OPA3: variants seen among roughly 807,000 people sequenced by gnomAD.
OPA3 encodes the protein outer mitochondrial membrane lipid metabolism regulator OPA3.
Under a neutral mutation model 4.0 loss-of-function variants are expected in OPA3, and 6 were observed. The ratio of observed to expected loss-of-function variants is 1.51; its 90% CI spans 0.83 to 2.99. The LOEUF (loss-of-function observed/expected upper bound fraction) is 2.99, where lower values mean the gene tolerates loss of function less well. OPA3 is among the 30% of genes most tolerant of loss of function. OPA3 has a pLI of 0.00. For missense variants in OPA3, 235 were observed against 256.2 expected, an observed-to-expected ratio of 0.92 and a Z score of 0.56; for synonymous variants, 105 against 117.1, an observed-to-expected ratio of 0.90 and a Z score of 0.67.
chr19:45,558,959 C>CT (rs1384389731), intron 1 of OPA3, among the ~76,000 whole-genome samples: 7 of 152,102 alleles, frequency 4.6e-5, no homozygotes, highest in Non-Finnish European at 1.0e-4. Context: ...TCTTGGCTCA[C>CT]TGCAACCTCT....
chr19:45,553,287 T>G lies in OPA3; in HGVS notation c.*227A>C. 7.0e-7 allele frequency: 1 copy of G among 1,424,396 alleles called. No individual in the cohort carries two copies. Among genetic ancestry groups the G allele is most frequent in the Middle Eastern group, 2.6e-4 (1 of 3,848 alleles). The allele number at this position is 1,424,396 out of a possible 1,614,324, so 88.2% of individuals were successfully genotyped here. A position where few individuals can be genotyped will look rare whatever the true frequency, so the allele number is the denominator to read the frequency against. On this transcript the variant is annotated 3_prime_UTR_variant, in exon 2 of 2. Coordinates refer to ENST00000263275, the MANE Select transcript of OPA3 (RefSeq NM_025136.4). Reference sequence around the variant, plus strand: ...CCTTGCAGGTCGTCCTGGTTTGGAGTGGGGGATAGGAGGTGAAGGATGATG... The same window carrying G: ...CCTTGCAGGTCGTCCTGGTTTGGAGGGGGGGATAGGAGGTGAAGGATGATG...
intron 1 of OPA3, among the ~76,000 whole-genome samples, chr19:45,538,095 C>T (rs1330378925): frequency 2.5e-5 from 2 of 78,732 alleles, no homozygotes; most frequent in Non-Finnish European, 4.5e-5. Context: ...AGCTAGGCTC[C>T]ATATCAAAAA....
chr19:45,559,909 G>A (rs1264226), intron 1 of OPA3, among the ~76,000 whole-genome samples: 90,701 of 151,768 alleles, frequency 0.6, 27,325 homozygotes, highest in East Asian at 0.72. Context: ...CTCAAATCCT[G>A]GTTCTGTCAC....
chr19:45,569,703 C>T (rs557890115), intron 1 of OPA3, among the ~76,000 whole-genome samples: 20 of 152,022 alleles, frequency 1.3e-4, no homozygotes, highest in Non-Finnish European at 2.4e-4. Context: ...AAGCGTTACC[C>T]TCACTTACCT....
At chr19:45,576,478 C>T (rs1403868218) in intron 1 of OPA3, among the ~76,000 whole-genome samples, 1 of 151,218 alleles carries the variant, frequency 6.6e-6, no homozygotes, top group Non-Finnish European at 1.5e-5. Context: ...GCAGAGATTG[C>T]AGTGAGTTGA....
At chr19:45,542,438 G>A (rs1171354854), downstream of OPA3, among the ~76,000 whole-genome samples, 2 of 152,204 alleles carry the variant, frequency 1.3e-5, no homozygotes, top group Non-Finnish European at 2.9e-5. Context: ...CCTAGGCTAT[G>A]TGGTAGAGCT....
At position 45,550,234 on chromosome 19, in the gene OPA3, C is replaced by T. The variant is rs185631253; in HGVS notation, c.*3280G>A. ...CCTGTTTCTTGGCTTTCTATCTGGG[C>T]AGATCTTGGTCCAGGCCAGTTTTAC... On this transcript the variant is annotated 3_prime_UTR_variant, in exon 2 of 2. Coordinates refer to ENST00000263275, the MANE Select transcript of OPA3 (RefSeq NM_025136.4). The T allele has an allele frequency of 1.5e-4, 144 of 985,402 alleles. 1 individual carries two copies. Among genetic ancestry groups the T allele is most frequent in the Non-Finnish European group, 8.9e-5 (74 of 829,932 alleles). The allele number at this position is 985,402 out of a possible 1,614,324, so 61.0% of individuals were successfully genotyped here.
Position 45,553,434 on chromosome 19 carries a change from C to G in OPA3, c.*80G>C. ...ATCCTGGTGGTTTCCACTGGGCCAG[C>G]GCAGGCAAGGGTGGTGCGGGAAGAA... On this transcript the variant is annotated 3_prime_UTR_variant, in exon 2 of 2. Transcript: ENST00000263275. 6.2e-7 allele frequency: 1 copy of G among 1,601,542 alleles called. No homozygotes were observed. The highest frequency in any genetic ancestry group is 8.5e-7 in the Non-Finnish European group (1 of 1,179,534).
intron 1 of OPA3, among the ~76,000 whole-genome samples, chr19:45,569,813 G>A (rs1357904888): frequency 6.6e-6 from 1 of 152,080 alleles, no homozygotes; most frequent in Non-Finnish European, 1.5e-5. Context: ...AGGCCATGAG[G>A]ACTGCCTGAG....
rs536229300 is a variant in OPA3 at position 45,564,330 on chromosome 19, G to A, written c.143-10419C>T. On this transcript the variant is annotated intron_variant, in intron 1 of 1. Transcript: ENST00000263275. ...AGGTAGAGGGAAGAAGGGGAGAGGG[G>A]GAAAGGGCGGTGACAAGAAGCAGAA... Among the ~76,000 whole-genome samples the A allele has an allele frequency of 2.3e-3, 350 of 152,094 alleles. 3 individuals are homozygous for A. The highest frequency in any genetic ancestry group is 7.5e-3 in the African/African-American group (312 of 41,486).
downstream of OPA3, among the ~76,000 whole-genome samples, chr19:45,545,628 T>G (rs993967849): frequency 2.0e-5 from 3 of 151,596 alleles, no homozygotes; most frequent in East Asian, 5.8e-4. Context: ...CTTCCCAGAG[T>G]AAAAGTTAGT....
At chr19:45,584,572 A>C in intron 1 of OPA3, 51 bp downstream of exon 1, 18 of 1,613,478 alleles carry the variant, frequency 1.1e-5, no homozygotes, top group Non-Finnish European at 1.5e-5. Flanking sequence ...CAACCACCTG[A>C]CAGGGGTTGG....
At chr19:45,557,093 T>G (rs961962337) in intron 1 of OPA3, among the ~76,000 whole-genome samples, 1 of 151,752 alleles carries the variant, frequency 6.6e-6, no homozygotes, top group Non-Finnish European at 1.5e-5. Context: ...TGGTGAGGGG[T>G]GAGGGTTCCA....
At chr19:45,544,527 G>A (rs1029097701), downstream of OPA3, among the ~76,000 whole-genome samples, 3 of 152,100 alleles carry the variant, frequency 2.0e-5, no homozygotes, top group Admixed American at 6.6e-5. Context: ...GGGCACAGTG[G>A]CTCACGCCTG....
At chr19:45,581,307 G>A (rs148495289) in intron 1 of OPA3, among the ~76,000 whole-genome samples, 2 of 152,186 alleles carry the variant, frequency 1.3e-5, no homozygotes, top group East Asian at 1.9e-4. Context: ...AACTTACAGA[G>A]GGGGAAAAAA....
At chr19:45,584,193 T>C (rs1009838938) in intron 1 of OPA3, 1 of 225,972 alleles carries the variant, frequency 4.4e-6, no homozygotes, top group African/African-American at 2.3e-5. Context: ...ACCTCCTAGA[T>C]CAGTGGGGAA....
Position 45,551,613 on chromosome 19 carries a change from G to T in OPA3, c.*1901C>A. ...TCAGACTTCTGGACTCCAGAACTGTGTGAATTAAATTCCTGTTGGACTTAA... is the reference window on the plus strand; with the variant it reads ...TCAGACTTCTGGACTCCAGAACTGTTTGAATTAAATTCCTGTTGGACTTAA... On this transcript the variant is annotated 3_prime_UTR_variant, in exon 2 of 2. Coordinates refer to ENST00000263275, the MANE Select transcript of OPA3 (RefSeq NM_025136.4). The T allele has an allele frequency of 1.4e-6, 1 of 717,904 alleles. No individual in the cohort carries two copies. Among genetic ancestry groups the T allele is most frequent in the Non-Finnish European group, 1.7e-6 (1 of 585,686 alleles). 44.5% of individuals were successfully genotyped at this position (717,904 alleles called of 1,614,324 possible).
At chr19:45,555,869 T>C (rs907012973) in intron 1 of OPA3, among the ~76,000 whole-genome samples, 2 of 151,972 alleles carry the variant, frequency 1.3e-5, no homozygotes, top group Non-Finnish European at 2.9e-5. Context: ...TGGGCTCAAG[T>C]GATCTGGCTG....
At chr19:45,574,663 G>C (rs941850292) in intron 1 of OPA3, among the ~76,000 whole-genome samples, 3 of 152,206 alleles carry the variant, frequency 2.0e-5, no homozygotes, top group Non-Finnish European at 4.4e-5. Context: ...TGCCTACTCT[G>C]TGGCAGACTG....
Sources: gnomAD v4.1 joint callset for allele counts (sites outside exome capture counted in the v4.1 genomes callset) on GRCh38, gnomAD v4.1.1 for gene constraint, MANE v1.5 for transcripts, NCBI Gene and HGNC (gene_info 2026-07-23, HGNC 2026-07-21) for gene names.